Variants in UGT1A5 observed in about 807,000 individuals in gnomAD.
The protein encoded by UGT1A5 is UDP glucuronosyltransferase family 1 member A5, also known as UDP-glucuronosyltransferase 1A5.
UGT1A5 carries 29 observed loss-of-function variants against 40.3 expected under a neutral mutation model. The ratio of observed to expected loss-of-function variants is 0.72; its 90% CI spans 0.54 to 0.98. The LOEUF (loss-of-function observed/expected upper bound fraction) is 0.98. UGT1A5 is among the 50% of genes least tolerant of loss of function. The pLI is 0.00. For synonymous variants in UGT1A5, 257 were observed against 262.5 expected, an observed-to-expected ratio of 0.98 and a Z score of 0.20; for missense variants, 678 against 677.9, an observed-to-expected ratio of 1.00 and a Z score of 0.00.
chr2:233,725,184 GCAGA>G (rs1559370234), intron 1 of UGT1A5, among the ~76,000 whole-genome samples: 5 of 89,376 alleles, frequency 5.6e-5, no homozygotes, highest in African/African-American at 1.7e-4. Flanking sequence ...GTGGGGAGAG[GCAGA>G]GGCAGAGGCA....
At chr2:233,759,366 G>C (rs1046941643) in intron 1 of UGT1A5, among the ~76,000 whole-genome samples, 1 of 152,134 alleles carries the variant, frequency 6.6e-6, no homozygotes, top group Non-Finnish European at 1.5e-5. Context: ...ACTATAAAAA[G>C]GTACAGGTTT....
At position 233,772,461 on chromosome 2, in the gene UGT1A5, G is replaced by A. The variant is rs764439291; in HGVS notation, c.1507G>A (p.Val503Met). The change falls in exon 5 of 5, where the codon GTG becomes ATG. Residue 503 changes from valine (V) to methionine (M), a missense_variant. Coordinates refer to ENST00000373414, the MANE Select transcript of UGT1A5 (RefSeq NM_019078.2). ...IGFLLAVVLT[V>M]AFITFKCCAY... is the part of the protein sequence containing the mutation. ...TTTCCTCTTGGCCGTCGTGCTGACAGTGGCCTTCATCACCTTTAAATGTTG... is the reference window on the plus strand; with the variant it reads ...TTTCCTCTTGGCCGTCGTGCTGACAATGGCCTTCATCACCTTTAAATGTTG... 6.2e-7 allele frequency: 1 copy of A among 1,614,184 alleles called. No homozygotes were observed. Among genetic ancestry groups the A allele is most frequent in the Non-Finnish European group, 8.5e-7 (1 of 1,180,040 alleles).
intron 1 of UGT1A5, among the ~76,000 whole-genome samples, chr2:233,739,589 C>T (rs894733553): frequency 6.6e-6 from 1 of 152,224 alleles, no homozygotes; most frequent in African/African-American, 2.4e-5. Flanking sequence ...TGCATGGGGC[C>T]TATAGCCCCT....
chr2:233,754,897 C>T (rs779851030), intron 1 of UGT1A5: 5 of 1,351,174 alleles, frequency 3.7e-6, no homozygotes, highest in Non-Finnish European at 5.0e-6. Context: ...TTCCTCTGAC[C>T]CCCCAAAATA....
At chr2:233,732,759 T>C (rs1404130009) in intron 1 of UGT1A5, among the ~76,000 whole-genome samples, 2 of 151,674 alleles carry the variant, frequency 1.3e-5, no homozygotes, top group Non-Finnish European at 2.9e-5. Context: ...AGCTTTGTTT[T>C]TTTTTTTTTT....
chr2:233,754,139 A>G (rs1695404241), intron 1 of UGT1A5, among the ~76,000 whole-genome samples: 1 of 152,234 alleles, frequency 6.6e-6, no homozygotes, highest in South Asian at 2.1e-4. Flanking sequence ...ATTAAAAGCC[A>G]TCATTAAATT....
At chr2:233,753,552 A>G (rs1695233420) in intron 1 of UGT1A5, 1 of 152,146 alleles carries the variant, frequency 6.6e-6, no homozygotes, top group African/African-American at 2.4e-5. Context: ...CTCAGAGGTG[A>G]CCCTAGAAGA....
chr2:233,761,212 G>A (rs1200424446), intron 1 of UGT1A5: 5 of 1,613,556 alleles, frequency 3.1e-6, no homozygotes, highest in Non-Finnish European at 2.5e-6. Flanking sequence ...ACTTTGGATC[G>A]ATTAACTAGC....
chr2:233,772,868 T>C lies in UGT1A5; in HGVS notation c.*309T>C, dbSNP rs982401399. ...TTCTTACTCTGAAACATGGCCTGTT[T>C]GGGAGTGCGGGATTCAAAGGTGGTC... is the stretch of plus-strand genomic sequence containing the variant. On this transcript the variant is annotated 3_prime_UTR_variant, in exon 5 of 5. Coordinates refer to ENST00000373414, the MANE Select transcript of UGT1A5 (RefSeq NM_019078.2). 2 of 641,930 alleles carry C rather than the reference T, an allele frequency of 3.1e-6. No individual in the cohort carries two copies. The highest frequency in any genetic ancestry group is 3.7e-5 in the African/African-American group (2 of 53,644). 39.8% of individuals were successfully genotyped at this position (641,930 alleles called of 1,614,324 possible).
Position 233,767,173 on chromosome 2 carries a change from G to T in UGT1A5, c.999+8G>T. 1.2e-6 allele frequency: 2 copies of T among 1,614,058 alleles called. No individual in the cohort carries two copies. The highest frequency in any genetic ancestry group is 1.7e-6 in the Non-Finnish European group (2 of 1,180,002). ...GGCAAAATCCCTCAGACAGTAAGAA[G>T]ATTCTATACCATGGCCTCATATCTA... On this transcript the variant is annotated splice_region_variant and intron_variant, in intron 2 of 4. Coordinates refer to ENST00000373414, the MANE Select transcript of UGT1A5 (RefSeq NM_019078.2).
chr2:233,743,846 C>A (rs779214397), intron 1 of UGT1A5: 9 of 1,367,112 alleles, frequency 6.6e-6, no homozygotes, highest in Non-Finnish European at 8.8e-6. Flanking sequence ...CGCCAGCTTG[C>A]GGTACGCCTT....
At chr2:233,737,384 T>C (rs375300244) in intron 1 of UGT1A5, among the ~76,000 whole-genome samples, 6 of 152,362 alleles carry the variant, frequency 3.9e-5, no homozygotes, top group African/African-American at 1.4e-4. Context: ...GAGAATCTCC[T>C]TGTCTGCCAG....
intron 1 of UGT1A5, chr2:233,729,208 A>C: frequency 6.2e-7 from 1 of 1,614,056 alleles, no homozygotes; most frequent in Non-Finnish European, 8.5e-7. Flanking sequence ...CTGGGCTGAG[A>C]GTGGAAAGGT....
intron 1 of UGT1A5, chr2:233,730,092 A>G: frequency 1.3e-6 from 2 of 1,595,278 alleles, no homozygotes. Context: ...TTATCTTTCC[A>G]AATATTTCAT....
chr2:233,720,446 C>A (rs2076860422), intron 1 of UGT1A5, among the ~76,000 whole-genome samples: 1 of 152,024 alleles, frequency 6.6e-6, no homozygotes, highest in African/African-American at 2.4e-5. Context: ...TCTATAAGCC[C>A]AGTGAAGCTG....
chr2:233,718,616 CG>C, intron 1 of UGT1A5: 22 of 858,724 alleles, frequency 2.6e-5, no homozygotes, highest in Non-Finnish European at 2.9e-5. Flanking sequence ...TCAAGATAGG[CG>C]TGATTGGTCT....
intron 1 of UGT1A5, chr2:233,754,778 A>G (rs1399549713): frequency 3.5e-6 from 4 of 1,127,052 alleles, no homozygotes; most frequent in Non-Finnish European, 3.6e-6. Flanking sequence ...CCAGGGAGCC[A>G]AAGGAACGAA....
chr2:233,719,190 C>T (rs772886660), intron 1 of UGT1A5: 2 of 1,614,200 alleles, frequency 1.2e-6, no homozygotes, highest in Non-Finnish European at 1.7e-6. Flanking sequence ...ATCTTTGGCC[C>T]TTCATAGGTG....
At chr2:233,760,776 C>T in intron 1 of UGT1A5, 1 of 1,613,940 alleles carries the variant, frequency 6.2e-7, no homozygotes, top group Non-Finnish European at 8.5e-7. Flanking sequence ...TGGCCCAGTA[C>T]CTGTCTCTGC....
Sources: gnomAD v4.1 joint callset for allele counts (sites outside exome capture counted in the v4.1 genomes callset) on GRCh38, gnomAD v4.1.1 for gene constraint, MANE v1.5 for transcripts, NCBI Gene and HGNC (gene_info 2026-07-23, HGNC 2026-07-21) for gene names.